Variants in CASP6 observed in about 807,000 individuals in gnomAD.
CASP6 encodes the protein caspase 6.
Under a neutral mutation model 31.8 loss-of-function variants are expected in CASP6, and 20 were observed. The ratio of observed to expected loss-of-function variants is 0.63; its 90% CI spans 0.44 to 0.91. The LOEUF (loss-of-function observed/expected upper bound fraction) is 0.91. CASP6 is among the 40% of genes least tolerant of loss of function. The pLI, the probability that CASP6 is intolerant of heterozygous loss-of-function variation, is 0.00. For synonymous variants in CASP6, 130 were observed against 127.8 expected, an observed-to-expected ratio of 1.02 and a Z score of -0.12; for missense variants, 328 against 361.1, an observed-to-expected ratio of 0.91 and a Z score of 0.74.
chr4:109,707,794 G>C (rs751961834), upstream of CASP6, among the ~76,000 whole-genome samples: 11 of 152,132 alleles, frequency 7.2e-5, no homozygotes, highest in Non-Finnish European at 1.2e-4. Context: ...TTCCTGGGGA[G>C]AGCATGTTGT....
the CASP6 span, among the ~76,000 whole-genome samples, chr4:109,674,734 GT>G: frequency 1.3e-5 from 2 of 152,182 alleles, no homozygotes; most frequent in African/African-American, 4.8e-5. Flanking sequence ...TTCTAGTTTA[GT>G]TTTTTGTAAT....
At chr4:109,664,567 T>C in the CASP6 span, among the ~76,000 whole-genome samples, 7,697 of 152,070 alleles carry the variant, frequency 0.051, 682 homozygotes, top group African/African-American at 0.18. Context: ...TGGGACTACC[T>C]GCATGCACCA....
the CASP6 span, among the ~76,000 whole-genome samples, chr4:109,666,790 T>A: frequency 2.0e-5 from 3 of 152,112 alleles, no homozygotes; most frequent in African/African-American, 7.2e-5. Context: ...TTGCTGAGAG[T>A]CTTCATTGTG....
chr4:109,687,869 G>T (rs533659558), downstream of CASP6: 221 of 380,932 alleles, frequency 5.8e-4, no homozygotes, highest in Non-Finnish European at 8.6e-4. Flanking sequence ...TCTCTATGTG[G>T]AGGTGAAAGG....
Position 109,703,366 on chromosome 4 carries a change from C to A in CASP6, c.30G>T (p.Gly10=), listed in dbSNP as rs765642426. MSSASGLRR[G]HPAGGEENMT... is the part of the protein sequence containing the mutation. Reference sequence around the variant, plus strand: ...ACGCCCCCTGCCTACCTGCCGGGTGCCCCCTGCGGAGCCCCGAGGCCGAGC... The same window carrying A: ...ACGCCCCCTGCCTACCTGCCGGGTGACCCCTGCGGAGCCCCGAGGCCGAGC... The change falls in exon 1 of 7, where the codon GGG becomes GGT. Residue 10 remains glycine, a synonymous_variant. Coordinates refer to ENST00000265164, the MANE Select transcript of CASP6 (RefSeq NM_001226.4). The A allele has an allele frequency of 6.2e-6, 10 of 1,610,636 alleles. No individual in the cohort carries two copies. The highest frequency in any genetic ancestry group is 1.7e-5 in the Admixed American group (1 of 59,736).
the CASP6 span, among the ~76,000 whole-genome samples, chr4:109,671,197 A>G: frequency 1.3e-5 from 2 of 152,158 alleles, no homozygotes; most frequent in African/African-American, 4.8e-5. Context: ...CAGACAGGAA[A>G]CTGGAAGTCT....
downstream of CASP6, chr4:109,684,486 G>A (rs757930325): frequency 6.2e-7 from 1 of 1,613,496 alleles, no homozygotes; most frequent in African/African-American, 1.3e-5. Flanking sequence ...AAAACCAGTG[G>A]ACTCCTGTGG....
the CASP6 span, among the ~76,000 whole-genome samples, chr4:109,668,389 C>T: frequency 6.6e-6 from 1 of 152,060 alleles, no homozygotes; most frequent in Non-Finnish European, 1.5e-5. Flanking sequence ...TATGTAATGT[C>T]TCTCTTTACT....
upstream of CASP6, among the ~76,000 whole-genome samples, chr4:109,708,196 G>C (rs778254687): frequency 6.6e-6 from 1 of 152,150 alleles, no homozygotes; most frequent in African/African-American, 2.4e-5. Context: ...AATCAAAGAA[G>C]GGTTTTTACT....
chr4:109,703,513 G>C, upstream of CASP6: 10 of 1,360,736 alleles, frequency 7.3e-6, no homozygotes, highest in Middle Eastern at 2.1e-4. Context: ...CCGAGCGTGG[G>C]GCCAGTTGGT....
chr4:109,687,174 G>A (rs115825210), downstream of CASP6, among the ~76,000 whole-genome samples: 5,098 of 152,020 alleles, frequency 0.034, 283 homozygotes, highest in African/African-American at 0.12. Context: ...GAGCAACATG[G>A]CAAAACTCCA....
chr4:109,708,190 AAAG>A (rs1473218411), upstream of CASP6, among the ~76,000 whole-genome samples: 1 of 152,210 alleles, frequency 6.6e-6, no homozygotes, highest in Non-Finnish European at 1.5e-5. Flanking sequence ...GTACGAAATC[AAAG>A]AAGGGTTTTT....
upstream of CASP6, among the ~76,000 whole-genome samples, chr4:109,706,896 G>A (rs943900662): frequency 1.3e-5 from 2 of 152,064 alleles, no homozygotes; most frequent in Admixed American, 1.3e-4. Context: ...GACAGAACGA[G>A]ACTCCATCTC....
intron 1 of CASP6, among the ~76,000 whole-genome samples, chr4:109,700,011 C>G (rs1730368984): frequency 6.6e-6 from 1 of 152,238 alleles, no homozygotes; most frequent in South Asian, 2.1e-4. Flanking sequence ...TCAGTGTCCT[C>G]CTCGGTGGCA....
intron 3 of CASP6, among the ~76,000 whole-genome samples, chr4:109,697,249 A>C (rs1318630148): frequency 6.6e-6 from 1 of 151,926 alleles, no homozygotes; most frequent in African/African-American, 2.4e-5. Flanking sequence ...TTAACTTTTC[A>C]TTTGGAAACA....
In CASP6 at chr4:109,696,426, C is replaced by CAGT. The variant is rs1300091162; in HGVS notation, c.288_290dup (p.Leu98dup). On this transcript the variant is annotated inframe_insertion, in exon 4 of 7. Transcript: ENST00000265164. ...ACTACCTACCCTCATGAATTTTGAG[C>CAGT]AGTAGTTCTTCTGCTTTAAGATCAT... 1.2e-6 allele frequency: 2 copies of CAGT among 1,612,176 alleles called. No homozygotes were observed. Among genetic ancestry groups the CAGT allele is most frequent in the Non-Finnish European group, 1.7e-6 (2 of 1,179,098 alleles).
In CASP6 at chr4:109,689,451, C is replaced by T. The variant is rs747679946; in HGVS notation, c.761G>A (p.Arg254Lys). Residue 254 changes from arginine to lysine, a missense_variant, in exon 7 of 7, where the codon AGG (arginine) becomes AAG (lysine). Coordinates refer to ENST00000265164, the MANE Select transcript of CASP6 (RefSeq NM_001226.4). Reference sequence around the variant, plus strand: ...GTCCACTCGGCGCTGAGAAACTTTCCTGTTCACCAGTGTGAGGAGTTCTGT... The same window carrying T: ...GTCCACTCGGCGCTGAGAAACTTTCTTGTTCACCAGTGTGAGGAGTTCTGT... Reference protein sequence around the residue: ...EFTELLTLVNRKVSQRRVDFC... With the variant: ...EFTELLTLVNKKVSQRRVDFC... 6.2e-7 allele frequency: 1 copy of T among 1,614,182 alleles called. No individual in the cohort carries two copies.
intron 5 of CASP6, among the ~76,000 whole-genome samples, chr4:109,693,742 A>G (rs181548306): frequency 7.2e-6 from 1 of 139,596 alleles, no homozygotes; most frequent in East Asian, 2.2e-4. Context: ...AAAAAAAAAA[A>G]TTTTTTTTTT....
downstream of CASP6, chr4:109,684,661 AGG>A: frequency 8.2e-7 from 1 of 1,224,848 alleles, no homozygotes; most frequent in Non-Finnish European, 1.2e-6. Context: ...GTAGTTTGTT[AGG>A]AAAATGGTAA....
Sources: allele counts gnomAD v4.1 joint callset (sites outside exome capture counted in the v4.1 genomes callset), GRCh38; gene constraint gnomAD v4.1.1; transcripts MANE v1.5; gene names NCBI Gene and HGNC (gene_info 2026-07-23, HGNC 2026-07-21).